CCDC158: variants seen among roughly 807,000 people sequenced by gnomAD.
The protein encoded by CCDC158 is coiled-coil domain-containing protein 158.
Under a neutral mutation model 138.6 loss-of-function variants are expected in CCDC158, and 116 were observed. The ratio of observed to expected loss-of-function variants is 0.84; its 90% CI spans 0.72 to 0.98. The LOEUF is 0.98. Ranked by LOEUF, CCDC158 falls within the 50% of genes least tolerant of loss-of-function variation. The pLI is 0.00. For missense variants in CCDC158, 1,265 were observed against 1,306.1 expected (o/e 0.97, Z 0.48); for synonymous variants, 436 against 442.4 (o/e 0.99, Z 0.18).
chr4:76,406,280 G>A (rs1728817283), intron 2 of CCDC158, among the ~76,000 whole-genome samples: 1 of 152,102 alleles, frequency 6.6e-6, no homozygotes, highest in East Asian at 1.9e-4. Context: ...AAGCCACATT[G>A]CACAATAAAG....
chr4:76,372,690 C>T (rs1725354382), intron 9 of CCDC158, among the ~76,000 whole-genome samples: 1 of 152,004 alleles, frequency 6.6e-6, no homozygotes. Flanking sequence ...ACCATTCTAA[C>T]CCTCATTTTG....
chr4:76,363,686 G>T (rs768981505), intron 12 of CCDC158, among the ~76,000 whole-genome samples: 23 of 152,242 alleles, frequency 1.5e-4, no homozygotes, highest in Non-Finnish European at 2.5e-4. Context: ...GTGAGCTTGG[G>T]GTAAGCAGGA....
intron 18 of CCDC158, among the ~76,000 whole-genome samples, chr4:76,345,791 A>G (rs968153382): frequency 6.6e-6 from 1 of 152,260 alleles, no homozygotes; most frequent in African/African-American, 2.4e-5. Flanking sequence ...GGAAGAATCA[A>G]TATCGTGAAA....
At chr4:76,382,152 A>G (rs111291150) in intron 8 of CCDC158, among the ~76,000 whole-genome samples, 4,469 of 152,180 alleles carry the variant, frequency 0.029, 215 homozygotes, top group African/African-American at 0.1. Flanking sequence ...AGATCTGATG[A>G]TTTAAAAGTG....
At chr4:76,327,017 T>G (rs1720593149) in intron 22 of CCDC158, among the ~76,000 whole-genome samples, 1 of 152,128 alleles carries the variant, frequency 6.6e-6, no homozygotes. Context: ...TATTTTTAAT[T>G]AAAATATATG....
Position 76,353,170 on chromosome 4 carries a change from G to T in CCDC158, c.2398C>A (p.Arg800Ser), listed in dbSNP as rs776672697. 6.2e-7 allele frequency: 1 copy of T among 1,613,634 alleles called. No individual in the cohort carries two copies. Among genetic ancestry groups the T allele is most frequent in the Admixed American group, 1.7e-5 (1 of 59,970 alleles). The change falls in exon 16 of 25, where the codon CGC becomes AGC. Residue 800 changes from arginine to serine, a missense_variant. Arg to Ser is a moderately radical substitution (Grantham distance 110). Coordinates refer to ENST00000682701, the MANE Select transcript of CCDC158 (RefSeq NM_001394954.1). Reference sequence around the variant, plus strand: ...TTAGTAACCTTTTCTTTCAAACGGCGTTCCTGAGATCGCAGAACTTCCAAC... The same window carrying T: ...TTAGTAACCTTTTCTTTCAAACGGCTTTCCTGAGATCGCAGAACTTCCAAC... ...GELEVLRSQE[R>S]RLKEKVTNME... is the part of the protein sequence containing the mutation.
chr4:76,361,746 A>C (rs1430275078), intron 13 of CCDC158, among the ~76,000 whole-genome samples: 1 of 152,066 alleles, frequency 6.6e-6, no homozygotes, highest in African/African-American at 2.4e-5. Context: ...TAAACTTCTA[A>C]TCAAGCTATT....
Position 76,362,128 on chromosome 4 carries a change from G to T in CCDC158, c.2018C>A (p.Ser673Ter). The T allele has an allele frequency of 6.2e-7, 1 of 1,612,698 alleles. No homozygotes were observed. Among genetic ancestry groups the T allele is most frequent in the South Asian group, 1.1e-5 (1 of 90,964 alleles). Residue 673 changes from serine (S) to a stop codon, truncating the protein, a stop_gained and splice_region_variant, in exon 13 of 25, where the codon TCA (serine) becomes TAA (stop). Coordinates refer to ENST00000682701, the MANE Select transcript of CCDC158 (RefSeq NM_001394954.1). LOFTEE classifies it high-confidence loss of function. The part of the protein sequence containing the change: ...KTSRSELNNL[S>*]EEYEVLKRNF... ...GGATTTGTGCTGAAGCAACATACCT[G>T]AAAGATTGTTTAATTCACTCCTACT... is the stretch of plus-strand genomic sequence containing the variant.
Position 76,315,014 on chromosome 4 carries a change from G to T in CCDC158, c.3278-1768C>A, listed in dbSNP as rs140144273. Among the ~76,000 whole-genome samples, 278 of 152,250 alleles carry T rather than the reference G, an allele frequency of 1.8e-3. 1 individual carries two copies. Among genetic ancestry groups the T allele is most frequent in the Middle Eastern group, 6.8e-3 (2 of 294 alleles). ...TTGTCAGTGGGGAAGTTTATAGCAC[G>T]GGCAAGGTCTGATCTGCCCGCCACC... On this transcript the variant is annotated intron_variant, in intron 24 of 24. Transcript: ENST00000682701.
rs2110079733 is a variant in CCDC158 at position 76,323,302 on chromosome 4, C to G, written c.3277G>C (p.Ala1093Pro). The G allele has an allele frequency of 6.2e-7, 1 of 1,605,360 alleles. No homozygotes were observed. The highest frequency in any genetic ancestry group is 8.5e-7 in the Non-Finnish European group (1 of 1,173,776). ...ATCTCTCCAAAAACGTACACTGTAC[C>G]TTGGTTCTTCAGCTGTAAATCTTCT... ...LVEDLQLKNQ[A>P]MSSMIRNQEK... Residue 1093 changes from alanine (A) to proline (P), a missense_variant and splice_region_variant, in exon 24 of 25, where the codon GCA (alanine) becomes CCA (proline). Physicochemically the swap from Ala to Pro is conservative, Grantham distance 27. Coordinates refer to ENST00000682701, the MANE Select transcript of CCDC158 (RefSeq NM_001394954.1).
intron 24 of CCDC158, among the ~76,000 whole-genome samples, chr4:76,319,126 G>A (rs572583819): frequency 8.5e-5 from 13 of 152,178 alleles, no homozygotes; most frequent in Admixed American, 2.6e-4. Context: ...CAAAAAATTA[G>A]CCAGGCGTGC....
intron 9 of CCDC158, among the ~76,000 whole-genome samples, chr4:76,374,502 T>C (rs1234291362): frequency 2.0e-5 from 3 of 152,232 alleles, no homozygotes; most frequent in African/African-American, 7.2e-5. Flanking sequence ...AACTTCCCTG[T>C]GTTTCCATTT....
chr4:76,377,883 A>G (rs1319012988), intron 9 of CCDC158, among the ~76,000 whole-genome samples: 1 of 152,228 alleles, frequency 6.6e-6, no homozygotes, highest in Non-Finnish European at 1.5e-5. Flanking sequence ...AAATCAATTT[A>G]GTGAGCTTCA....
At chr4:76,371,879 A>G (rs896173664) in intron 9 of CCDC158, among the ~76,000 whole-genome samples, 2 of 151,352 alleles carry the variant, frequency 1.3e-5, no homozygotes, top group Non-Finnish European at 2.9e-5. Flanking sequence ...CAGAGGTTGC[A>G]GTGAGTCAAG....
chr4:76,416,085 A>T (rs937298208), intron 1 of CCDC158, among the ~76,000 whole-genome samples: 1 of 152,152 alleles, frequency 6.6e-6, no homozygotes, highest in African/African-American at 2.4e-5. Flanking sequence ...GTAGCAAATT[A>T]GTGAAAGTAC....
At chr4:76,355,817 G>GTGTT (rs1723501252) in intron 14 of CCDC158, among the ~76,000 whole-genome samples, 1 of 151,386 alleles carries the variant, frequency 6.6e-6, no homozygotes, top group Admixed American at 6.6e-5. Context: ...GTGTGTGTGT[G>GTGTT]TGTGTGTGTG....
intron 3 of CCDC158, 68 bp downstream of exon 3, chr4:76,403,070 C>G: frequency 1.9e-6 from 2 of 1,074,140 alleles, no homozygotes; most frequent in East Asian, 5.0e-5. Context: ...ATACTAGAAA[C>G]AGCAGCTTGA....
At chr4:76,333,840 T>C (rs1721219606) in intron 19 of CCDC158, 170 bp downstream of exon 19, 1 of 430,746 alleles carries the variant, frequency 2.3e-6, no homozygotes. Flanking sequence ...AGTGTCAAGT[T>C]GTTTTACATT....
At chr4:76,337,153 G>A (rs183608856) in intron 18 of CCDC158, among the ~76,000 whole-genome samples, 2 of 151,784 alleles carry the variant, frequency 1.3e-5, no homozygotes, top group African/African-American at 4.8e-5. Flanking sequence ...GCTATTTTTG[G>A]GTTTTTTTGT....
Sources: allele counts gnomAD v4.1 joint callset (sites outside exome capture counted in the v4.1 genomes callset), GRCh38; gene constraint gnomAD v4.1.1; transcripts MANE v1.5; gene names NCBI Gene and HGNC (gene_info 2026-07-23, HGNC 2026-07-21).